Variants in RANBP17 observed in about 807,000 individuals in gnomAD.
The protein encoded by RANBP17 is ran-binding protein 17.
A neutral mutation model predicts 141.2 loss-of-function variants in RANBP17; 158 were observed. The ratio of observed to expected loss-of-function variants is 1.12; its 90% CI spans 0.98 to 1.28. The LOEUF is 1.28. Among genes scored for constraint, RANBP17 ranks in the 50% most tolerant of loss-of-function variants. RANBP17 has a pLI of 0.00. For synonymous variants in RANBP17, 430 were observed against 450.0 expected, an observed-to-expected ratio of 0.96 and a Z score of 0.56; for missense variants, 1,438 against 1,290.7, an observed-to-expected ratio of 1.11 and a Z score of -1.75.
At chr5:171,291,523 G>A (rs939567142) in intron 25 of RANBP17, among the ~76,000 whole-genome samples, 9 of 152,272 alleles carry the variant, frequency 5.9e-5, no homozygotes, top group Non-Finnish European at 7.4e-5. Flanking sequence ...CGTGGGCCGG[G>A]TGGTGCAGAA....
At chr5:170,885,337 TG>T (rs751834140) in intron 3 of RANBP17, among the ~76,000 whole-genome samples, 1 of 152,206 alleles carries the variant, frequency 6.6e-6, no homozygotes, top group Non-Finnish European at 1.5e-5. Context: ...ATTCTCATTT[TG>T]GGGTAATATC....
chr5:170,936,800 GA>G (rs1320746347), intron 12 of RANBP17, among the ~76,000 whole-genome samples: 3 of 152,150 alleles, frequency 2.0e-5, no homozygotes, highest in Non-Finnish European at 1.5e-5. Flanking sequence ...TTTGCAGAGA[GA>G]GGGGTGTTAA....
chr5:171,239,618 A>G (rs752742746), intron 22 of RANBP17, among the ~76,000 whole-genome samples: 6 of 152,206 alleles, frequency 3.9e-5, no homozygotes. Context: ...TGGAATTTGC[A>G]GGGAAATCTA....
intron 20 of RANBP17, chr5:171,206,674 A>C (rs765691016): frequency 2.8e-5 from 5 of 179,458 alleles, no homozygotes; most frequent in Non-Finnish European, 4.8e-5. Flanking sequence ...ACTGTCAACT[A>C]CTATGCCACA....
intron 14 of RANBP17, chr5:170,983,101 A>G: frequency 1.9e-6 from 1 of 519,006 alleles, no homozygotes; most frequent in South Asian, 1.6e-5. Context: ...CAATTAAAAA[A>G]GTAAACCAAG....
Position 171,241,049 on chromosome 5 carries a change from T to G in RANBP17, c.2544T>G (p.Phe848Leu). The G allele has an allele frequency of 1.2e-6, 2 of 1,614,020 alleles. No individual in the cohort carries two copies. The highest frequency in any genetic ancestry group is 1.7e-6 in the Non-Finnish European group (2 of 1,179,928). The change falls in exon 23 of 28, where the codon TTT (phenylalanine) becomes TTG (leucine). Residue 848 changes from phenylalanine (F) to leucine (L), a missense_variant. Coordinates refer to ENST00000523189, the MANE Select transcript of RANBP17 (RefSeq NM_022897.5). ...CCTTGTGTGGAAATTATGTCAGCTT[T>G]GGCGTCTTCAAGTTGTATGGGGACA... ...KSALCGNYVS[F>L]GVFKLYGDNH...
intron 14 of RANBP17, among the ~76,000 whole-genome samples, chr5:171,039,097 A>AT (rs1039139801): frequency 1.1e-4 from 16 of 152,130 alleles, no homozygotes; most frequent in Admixed American, 2.0e-4. Flanking sequence ...ATACCCAGTA[A>AT]TGGGATTGCT....
chr5:171,227,084 C>A (rs1338223119), intron 22 of RANBP17, among the ~76,000 whole-genome samples: 1 of 152,136 alleles, frequency 6.6e-6, no homozygotes, highest in African/African-American at 2.4e-5. Flanking sequence ...ATGAATAACC[C>A]TACAATGGCC....
intron 14 of RANBP17, among the ~76,000 whole-genome samples, chr5:171,069,294 G>C (rs749991228): frequency 6.6e-6 from 1 of 152,162 alleles, no homozygotes; most frequent in Non-Finnish European, 1.5e-5. Context: ...CCAGGAACTT[G>C]GGCCTTTCTC....
chr5:171,172,627 C>T (rs1760177624), intron 16 of RANBP17, among the ~76,000 whole-genome samples: 1 of 151,506 alleles, frequency 6.6e-6, no homozygotes, highest in Non-Finnish European at 1.5e-5. Context: ...CAAACTCTGG[C>T]CTTTTCACAA....
chr5:171,091,908 C>A (rs981069970), intron 14 of RANBP17, among the ~76,000 whole-genome samples: 2 of 152,136 alleles, frequency 1.3e-5, no homozygotes, highest in African/African-American at 4.8e-5. Flanking sequence ...TTATCAATAG[C>A]ATGAAAACAG....
chr5:170,882,106 A>G (rs1057321883), intron 3 of RANBP17, among the ~76,000 whole-genome samples: 1 of 152,062 alleles, frequency 6.6e-6, no homozygotes, highest in African/African-American at 2.4e-5. Context: ...TTTTTTTGAG[A>G]CAGAGTCTTG....
intron 27 of RANBP17, among the ~76,000 whole-genome samples, chr5:171,296,534 C>T (rs1768831388): frequency 6.6e-6 from 1 of 152,208 alleles, no homozygotes; most frequent in Non-Finnish European, 1.5e-5. Context: ...ACCCTAAATC[C>T]TCTGACTTGA....
intron 14 of RANBP17, among the ~76,000 whole-genome samples, chr5:171,142,691 A>G (rs1158217669): frequency 1.3e-5 from 2 of 152,214 alleles, no homozygotes; most frequent in Non-Finnish European, 2.9e-5. Flanking sequence ...TTAGCATTCA[A>G]TAAGGAATGA....
rs1771516647 is a variant in RANBP17 at position 170,911,428 on chromosome 5, C to A, written c.760+294C>A. 4.4e-5 allele frequency: 26 copies of A among 593,764 alleles called. No homozygotes were observed. In the South Asian group the frequency reaches 4.9e-4, roughly 11 times the overall value. The allele number at this position is 593,764 out of a possible 1,614,324, so 36.8% of individuals were successfully genotyped here. On this transcript the variant is annotated intron_variant, in intron 7 of 27. Coordinates refer to ENST00000523189, the MANE Select transcript of RANBP17 (RefSeq NM_022897.5). ...CTATGATTTGAAACTTTCAGACTTT[C>A]AGATAAACAGAGTGGGACAGGATCC...
Position 170,968,360 on chromosome 5 carries a change from C to T in RANBP17, c.1693C>T (p.Leu565Phe). ...TCGTAAAACATATGTTGGTGATCAA[C>T]TTCAAAGAACCTCAAAGGTAGGTTT... is the stretch of plus-strand genomic sequence containing the variant. ...QFRKTYVGDQLQRTSKVYARM... is the reference protein window; with the variant it reads ...QFRKTYVGDQFQRTSKVYARM... Residue 565 changes from leucine (L) to phenylalanine (F), a missense_variant, in exon 14 of 28, where the codon CTT (leucine) becomes TTT (phenylalanine). Transcript: ENST00000523189. 6.2e-7 allele frequency: 1 copy of T among 1,603,790 alleles called. No homozygotes were observed. Among genetic ancestry groups the T allele is most frequent in the Non-Finnish European group, 8.5e-7 (1 of 1,176,448 alleles).
At chr5:171,135,461 T>C (rs1320652899) in intron 14 of RANBP17, among the ~76,000 whole-genome samples, 1 of 152,106 alleles carries the variant, frequency 6.6e-6, no homozygotes, top group African/African-American at 2.4e-5. Context: ...AGCACTTTGG[T>C]ACCTGAACCT....
At chr5:171,216,623 C>T (rs942579698) in intron 21 of RANBP17, among the ~76,000 whole-genome samples, 2 of 152,166 alleles carry the variant, frequency 1.3e-5, no homozygotes, top group African/African-American at 4.8e-5. Context: ...AGAGGTCCTT[C>T]ACATCCCTTA....
chr5:171,187,833 G>A (rs913601553), intron 18 of RANBP17, among the ~76,000 whole-genome samples: 1 of 152,166 alleles, frequency 6.6e-6, no homozygotes, highest in African/African-American at 2.4e-5. Context: ...AGTTATACAT[G>A]AGAGGGTTCA....
Sources: gnomAD v4.1 joint callset for allele counts (sites outside exome capture counted in the v4.1 genomes callset) on GRCh38, gnomAD v4.1.1 for gene constraint, MANE v1.5 for transcripts, NCBI Gene and HGNC (gene_info 2026-07-23, HGNC 2026-07-21) for gene names.